Variants in FAHD2A observed in about 807,000 individuals in gnomAD.
The protein encoded by FAHD2A is oxaloacetate tautomerase FAHD2A, mitochondrial.
In FAHD2A, 27 loss-of-function variants were observed where a neutral mutation model predicts 33.4. That is an observed-to-expected ratio of 0.81 (90% confidence interval 0.60 to 1.11). FAHD2A has a LOEUF of 1.11. FAHD2A is among the 50% of genes most tolerant of loss of function. The pLI is 0.00. For synonymous variants in FAHD2A, 130 were observed against 153.3 expected (o/e 0.85, Z 1.12); for missense variants, 296 against 395.0 (o/e 0.75, Z 2.12).
At position 95,411,032 on chromosome 2, in the gene FAHD2A, T is replaced by G; in HGVS notation, c.685+6T>G. ...GACCAAGGACAGTGTAGCAGGTAGG[T>G]CCCTGGTCCCTGCCCCCTTATACCT... On this transcript the variant is annotated splice_donor_region_variant and intron_variant, in intron 5 of 7. Coordinates refer to ENST00000233379, the MANE Select transcript of FAHD2A (RefSeq NM_016044.3). The G allele has an allele frequency of 1.9e-6, 3 of 1,613,758 alleles. No homozygotes were observed. Among genetic ancestry groups the G allele is most frequent in the Non-Finnish European group, 2.5e-6 (3 of 1,179,738 alleles).
In FAHD2A at chr2:95,415,186, T is replaced by C. The variant is rs1352129983; in HGVS notation, c.*2229T>C. ...AATACAGCAGAGGACACCAGGACTT[T>C]CATTTTCCCTCAGTATGGCCCATCC... On this transcript the variant is annotated 3_prime_UTR_variant, in exon 8 of 8. Transcript: ENST00000233379. 6.6e-6 allele frequency: 1 copy of C among 152,160 alleles called. No homozygotes were observed. The highest frequency in any genetic ancestry group is 1.9e-4 in the East Asian group (1 of 5,180). 9.4% of individuals were successfully genotyped at this position (152,160 alleles called of 1,614,324 possible). A position where few individuals can be genotyped will look rare whatever the true frequency, so the allele number is the denominator to read the frequency against.
chr2:95,407,172 A>G lies in FAHD2A; in HGVS notation c.462+15A>G. 1 of 1,611,988 alleles carries G rather than the reference A, an allele frequency of 6.2e-7. No individual in the cohort carries two copies. The highest frequency in any genetic ancestry group is 2.2e-5 in the East Asian group (1 of 44,884). ...CACAGAGCCAGGTCAGTGTCTCCCC[A>G]CTGCCCTCCCTAGTCACTGGGCCCA... is the stretch of plus-strand genomic sequence containing the variant. On this transcript the variant is annotated intron_variant, in intron 3 of 7. Coordinates refer to ENST00000233379, the MANE Select transcript of FAHD2A (RefSeq NM_016044.3).
downstream of FAHD2A, among the ~76,000 whole-genome samples, chr2:95,420,763 G>A (rs928291973): frequency 1.3e-4 from 19 of 151,956 alleles, no homozygotes; most frequent in Non-Finnish European, 2.4e-4. Flanking sequence ...AGTAAACTAT[G>A]GGAAAGGAAG....
chr2:95,412,657 G>A lies in FAHD2A; in HGVS notation c.795-20G>A, dbSNP rs1558802636. The A allele has an allele frequency of 6.2e-7, 1 of 1,614,030 alleles. No individual in the cohort carries two copies. Among genetic ancestry groups the A allele is most frequent in the East Asian group, 2.2e-5 (1 of 44,872 alleles). On this transcript the variant is annotated intron_variant, in intron 6 of 7. Coordinates refer to ENST00000233379, the MANE Select transcript of FAHD2A (RefSeq NM_016044.3). Reference sequence around the variant, plus strand: ...CTCAGCCAGCCCCTGGTCTCACCGGGTCCTTCTGCTTTGATCCAGGTTTGT... The same window carrying A: ...CTCAGCCAGCCCCTGGTCTCACCGGATCCTTCTGCTTTGATCCAGGTTTGT...
At position 95,416,523 on chromosome 2, in the gene FAHD2A, C is replaced by G. The variant is rs1408264304; in HGVS notation, c.*3566C>G. On this transcript the variant is annotated 3_prime_UTR_variant, in exon 8 of 8. Transcript: ENST00000233379. ...TCCTGCAGCTGTCAGCTCCCTGTGC[C>G]TAGCCTGGACCTCAGCTCATGTCTA... The G allele has an allele frequency of 6.6e-6, 1 of 152,268 alleles. No individual in the cohort carries two copies. Among genetic ancestry groups the G allele is most frequent in the Admixed American group, 6.5e-5 (1 of 15,284 alleles). 9.4% of individuals were successfully genotyped at this position (152,268 alleles called of 1,614,324 possible).
At position 95,414,240 on chromosome 2, in the gene FAHD2A, G is replaced by A. The variant is rs1458864609; in HGVS notation, c.*1283G>A. ...TGCAGGAGCCTGGGCTGACTGGTTG[G>A]GACTCACCAAAGATCCCTTCTTCCT... is the stretch of plus-strand genomic sequence containing the variant. On this transcript the variant is annotated 3_prime_UTR_variant, in exon 8 of 8. Coordinates refer to ENST00000233379, the MANE Select transcript of FAHD2A (RefSeq NM_016044.3). 8.1e-6 allele frequency: 13 copies of A among 1,603,356 alleles called. No homozygotes were observed. Among genetic ancestry groups the A allele is most frequent in the Admixed American group, 6.7e-5 (4 of 59,512 alleles).
chr2:95,412,999 C>T lies in FAHD2A; in HGVS notation c.*42C>T, dbSNP rs762594440. ...CCTGCACATAGGATGAGGGCATCTGCTCCCACTCAGCCTAGCCCAGGGAAA... is the reference window on the plus strand; with the variant it reads ...CCTGCACATAGGATGAGGGCATCTGTTCCCACTCAGCCTAGCCCAGGGAAA... On this transcript the variant is annotated 3_prime_UTR_variant, in exon 8 of 8. Transcript: ENST00000233379. The T allele has an allele frequency of 6.2e-6, 10 of 1,609,156 alleles. No individual in the cohort carries two copies. The highest frequency in any genetic ancestry group is 1.7e-5 in the Admixed American group (1 of 59,786).
chr2:95,409,056 G>T (rs1682066358), intron 3 of FAHD2A, among the ~76,000 whole-genome samples: 1 of 152,224 alleles, frequency 6.6e-6, no homozygotes, highest in Non-Finnish European at 1.5e-5. Context: ...TTTATCAAGA[G>T]ATCTACAAAG....
downstream of FAHD2A, among the ~76,000 whole-genome samples, chr2:95,419,912 C>T (rs2104392286): frequency 1.3e-5 from 2 of 152,022 alleles, no homozygotes; most frequent in East Asian, 3.9e-4. Flanking sequence ...GCTGAGAATT[C>T]CCAAGATCTG....
At position 95,402,796 on chromosome 2, in the gene FAHD2A, C is replaced by G. The variant is rs1265968566; in HGVS notation, c.-83C>G. On this transcript the variant is annotated 5_prime_UTR_variant, in exon 1 of 8. Transcript: ENST00000233379. ...GGCTGCGGTCACTGGTGGCAGTGCT[C>G]AGGCGCCCGCCGCCCTTGACCTTCG... 1.3e-5 allele frequency: 2 copies of G among 152,398 alleles called. No homozygotes were observed. The highest frequency in any genetic ancestry group is 2.9e-5 in the Non-Finnish European group (2 of 68,178). 9.4% of individuals were successfully genotyped at this position (152,398 alleles called of 1,614,324 possible).
chr2:95,420,512 C>T (rs1291509882), downstream of FAHD2A, among the ~76,000 whole-genome samples: 4 of 151,852 alleles, frequency 2.6e-5, no homozygotes, highest in Non-Finnish European at 5.9e-5. Flanking sequence ...CACCACAACA[C>T]CAAATCCCAT....
Position 95,412,895 on chromosome 2 carries a change from A to G in FAHD2A, c.883A>G (p.Lys295Glu), listed in dbSNP as rs146988697. The G allele has an allele frequency of 1.5e-5, 24 of 1,614,108 alleles. No individual in the cohort carries two copies. Among genetic ancestry groups the G allele is most frequent in the Non-Finnish European group, 1.9e-5 (23 of 1,180,050 alleles). ...VFRKPPVFLK[K>E]GDEVQCEIEE... Reference sequence around the variant, plus strand: ...ACTGTCATGGCCTGCTCTGTTGCAGAAGGGGGATGAAGTCCAGTGTGAGAT... The same window carrying G: ...ACTGTCATGGCCTGCTCTGTTGCAGGAGGGGGATGAAGTCCAGTGTGAGAT... Residue 295 changes from lysine (K) to glutamate (E), a missense_variant and splice_region_variant, in exon 8 of 8, where the codon AAG becomes GAG. Lys to Glu is a moderately conservative substitution (Grantham distance 56, BLOSUM62 1). Transcript: ENST00000233379.
rs1459552092 is a variant in FAHD2A at position 95,410,911 on chromosome 2, C to T, written c.570C>T (p.Asp190=). The change falls in exon 5 of 8, where the codon GAC becomes GAT. Residue 190 remains aspartate, a synonymous_variant. Coordinates refer to ENST00000233379, the MANE Select transcript of FAHD2A (RefSeq NM_016044.3). ...AHVAGFTVAH[D]VSARDWQMRR... ...TGGCCGGCTTCACTGTGGCTCATGA[C>T]GTGAGTGCTCGTGACTGGCAAATGA... 38 of 1,613,860 alleles carry T rather than the reference C, an allele frequency of 2.4e-5. No homozygotes were observed. Among genetic ancestry groups the T allele is most frequent in the Admixed American group, 5.0e-5 (3 of 59,996 alleles).
chr2:95,406,821 T>C (rs1229439320), intron 2 of FAHD2A, 120 bp from the exon 3 acceptor site: 1 of 1,454,022 alleles, frequency 6.9e-7, no homozygotes, highest in African/African-American at 1.4e-5. Flanking sequence ...TGATGGTTGA[T>C]AGAGCTAGGA....
chr2:95,406,332 C>A (rs2104349880), intron 2 of FAHD2A, among the ~76,000 whole-genome samples: 1 of 146,812 alleles, frequency 6.8e-6, no homozygotes, highest in East Asian at 2.0e-4. Flanking sequence ...TTTAAGATGT[C>A]ATTTTCATCT....
intron 4 of FAHD2A, 80 bp downstream of exon 4, chr2:95,410,666 C>G: frequency 2.5e-6 from 4 of 1,581,396 alleles, no homozygotes; most frequent in Non-Finnish European, 3.4e-6. Context: ...TGACCCCACT[C>G]ACCAACACAC....
chr2:95,417,673 C>T (rs1286536905), downstream of FAHD2A, among the ~76,000 whole-genome samples: 1 of 152,066 alleles, frequency 6.6e-6, no homozygotes, highest in Non-Finnish European at 1.5e-5. Context: ...AGGGAACAAC[C>T]ATGGTCAGGA....
Position 95,413,469 on chromosome 2 carries a change from C to G in FAHD2A, c.*512C>G. On this transcript the variant is annotated 3_prime_UTR_variant, in exon 8 of 8. Transcript: ENST00000233379. ...CACAGTTCTAGCTACAAGTGAACTG[C>G]CGGATGAACTGTTCTAGTTTTTCCT... 1.2e-6 allele frequency: 2 copies of G among 1,610,334 alleles called. No individual in the cohort carries two copies. Among genetic ancestry groups the G allele is most frequent in the Admixed American group, 3.4e-5 (2 of 59,584 alleles).
chr2:95,405,857 C>T, intron 2 of FAHD2A, 54 bp downstream of exon 2: 2 of 1,479,342 alleles, frequency 1.4e-6, no homozygotes, highest in Non-Finnish European at 1.8e-6. Context: ...CCCCTGCACC[C>T]TCCCCGCTCT....
Sources: gnomAD v4.1 joint callset for allele counts (sites outside exome capture counted in the v4.1 genomes callset) on GRCh38, gnomAD v4.1.1 for gene constraint, MANE v1.5 for transcripts, NCBI Gene and HGNC (gene_info 2026-07-23, HGNC 2026-07-21) for gene names.